CCDC171: variants seen among roughly 807,000 people sequenced by gnomAD.
The protein encoded by CCDC171 is coiled-coil domain-containing protein 171.
CCDC171 carries 177 observed loss-of-function variants against 168.2 expected under a neutral mutation model. The observed-to-expected ratio is 1.05, with a 90% confidence interval of 0.93 to 1.19. The LOEUF is 1.19. CCDC171 is among the 50% of genes most tolerant of loss of function. The pLI is 0.00. For synonymous variants in CCDC171, 687 were observed against 540.8 expected (o/e 1.27, Z -3.75); for missense variants, 1,991 against 1,539.0 (o/e 1.29, Z -4.91).
At chr9:15,640,588 ACT>A (rs1425227670) in intron 7 of CCDC171, among the ~76,000 whole-genome samples, 1 of 152,044 alleles carries the variant, frequency 6.6e-6, no homozygotes, top group East Asian at 1.9e-4. Context: ...ATGTAAATAC[ACT>A]CTGTCATGTA....
the CCDC171 span, among the ~76,000 whole-genome samples, chr9:16,085,937 C>G: frequency 2.0e-5 from 3 of 152,040 alleles, no homozygotes; most frequent in African/African-American, 7.2e-5. Flanking sequence ...TTTATTGTTA[C>G]GTCTCTGCCA....
chr9:15,902,729 C>A (rs1019806113), intron 24 of CCDC171, among the ~76,000 whole-genome samples: 2 of 152,168 alleles, frequency 1.3e-5, no homozygotes, highest in African/African-American at 4.8e-5. Context: ...TGAAGCAGGG[C>A]AAGGCATCAC....
At chr9:15,606,123 T>C (rs2043209723) in intron 6 of CCDC171, among the ~76,000 whole-genome samples, 1 of 152,218 alleles carries the variant, frequency 6.6e-6, no homozygotes, top group Non-Finnish European at 1.5e-5. Context: ...AATGTGAATG[T>C]GGTCTTTCTC....
intron 1 of CCDC171, among the ~76,000 whole-genome samples, chr9:15,555,291 T>G (rs998572335): frequency 6.6e-6 from 1 of 152,182 alleles, no homozygotes; most frequent in Non-Finnish European, 1.5e-5. Context: ...ATTAATCTAT[T>G]AATACATTAA....
intron 21 of CCDC171, among the ~76,000 whole-genome samples, 189 bp from the exon 22 acceptor site, chr9:15,846,513 T>G (rs943166777): frequency 6.6e-6 from 1 of 152,142 alleles, no homozygotes; most frequent in Non-Finnish European, 1.5e-5. Flanking sequence ...TTCCCAAACC[T>G]TATCAGTTCT....
intron 24 of CCDC171, among the ~76,000 whole-genome samples, chr9:15,878,983 A>G (rs188091001): frequency 6.6e-6 from 1 of 152,196 alleles, no homozygotes; most frequent in Non-Finnish European, 1.5e-5. Flanking sequence ...GGTGTGGGAG[A>G]AGGGAGAGGA....
At chr9:16,105,232 G>C in the CCDC171 span, among the ~76,000 whole-genome samples, 43 of 152,338 alleles carry the variant, frequency 2.8e-4, no homozygotes, top group East Asian at 8.1e-3. Context: ...AACAGGCCTT[G>C]TTAGAGGATA....
At chr9:15,945,004 T>A (rs1430620513) in intron 25 of CCDC171, among the ~76,000 whole-genome samples, 1 of 152,004 alleles carries the variant, frequency 6.6e-6, no homozygotes, top group Non-Finnish European at 1.5e-5. Flanking sequence ...TAGCATTAGG[T>A]ATATCTCCCA....
chr9:16,021,345 C>T (rs574844248), intron 4 of CCDC171, among the ~76,000 whole-genome samples: 1 of 152,346 alleles, frequency 6.6e-6, no homozygotes. Context: ...CTTGGCCTCC[C>T]AAAGTGCTGG....
At position 16,017,984 on chromosome 9, in the gene CCDC171, C is replaced by G. The variant is rs75650003; in HGVS notation, n.369-2605C>G. On this transcript the variant is annotated intron_variant and non_coding_transcript_variant, in intron 3 of 9. Coordinates refer to the CCDC171 transcript ENST00000486641. ...TTGCTGGTGGAAATGACAGAAGCAG[C>G]ACAAAACATGCCCTTATCTCATTTC... Among the ~76,000 whole-genome samples, 202 of 152,292 alleles carry G rather than the reference C, an allele frequency of 1.3e-3. 1 individual carries two copies. Among genetic ancestry groups the G allele is most frequent in the African/African-American group, 4.7e-3 (197 of 41,556 alleles).
chr9:15,704,534 A>G (rs2052056403), intron 11 of CCDC171, among the ~76,000 whole-genome samples: 1 of 152,188 alleles, frequency 6.6e-6, no homozygotes, highest in South Asian at 2.1e-4. Flanking sequence ...AAAGTAATCC[A>G]TGGTAGAAAT....
At chr9:16,078,190 G>A in the CCDC171 span, among the ~76,000 whole-genome samples, 16,267 of 151,708 alleles carry the variant, frequency 0.11, 2,800 homozygotes, top group African/African-American at 0.37. Flanking sequence ...CCTTGAATAC[G>A]TACACTTTTT....
intron 25 of CCDC171, among the ~76,000 whole-genome samples, chr9:15,925,439 C>A (rs1025407403): frequency 2.0e-5 from 3 of 151,370 alleles, no homozygotes; most frequent in Non-Finnish European, 3.0e-5. Flanking sequence ...CGAGAGAGGT[C>A]TAATATAAGA....
At chr9:16,044,678 G>T (rs1234944756) in intron 1 of CCDC171, among the ~76,000 whole-genome samples, 1 of 151,970 alleles carries the variant, frequency 6.6e-6, no homozygotes, top group Non-Finnish European at 1.5e-5. Flanking sequence ...CAGCCATTTT[G>T]TTCCCTCCCA....
intron 18 of CCDC171, among the ~76,000 whole-genome samples, chr9:15,760,701 G>A (rs886702758): frequency 6.6e-6 from 1 of 152,154 alleles, no homozygotes; most frequent in African/African-American, 2.4e-5. Flanking sequence ...GAAACAGGAG[G>A]TTCAATAACA....
chr9:15,734,620 T>C (rs1018906871), intron 16 of CCDC171, among the ~76,000 whole-genome samples: 15 of 152,302 alleles, frequency 9.8e-5, no homozygotes, highest in African/African-American at 2.6e-4. Flanking sequence ...TTTTATCAAA[T>C]ATAATTGAAT....
chr9:15,706,433 A>G (rs2052242441), intron 11 of CCDC171, among the ~76,000 whole-genome samples: 1 of 151,906 alleles, frequency 6.6e-6, no homozygotes, highest in Admixed American at 6.6e-5. Context: ...GGACTACAGC[A>G]CATGCCATCA....
At chr9:15,683,819 C>T (rs1417060854) in intron 10 of CCDC171, among the ~76,000 whole-genome samples, 3 of 151,838 alleles carry the variant, frequency 2.0e-5, no homozygotes, top group Non-Finnish European at 2.9e-5. Flanking sequence ...CAAGAGATTG[C>T]GAGAGAGATG....
At chr9:15,902,691 C>G (rs543043950) in intron 24 of CCDC171, among the ~76,000 whole-genome samples, 2 of 152,268 alleles carry the variant, frequency 1.3e-5, no homozygotes, top group African/African-American at 4.8e-5. Context: ...GGGTGCAGGA[C>G]AGTGGGTGCA....
Sources: gnomAD v4.1 joint callset for allele counts (sites outside exome capture counted in the v4.1 genomes callset) on GRCh38, gnomAD v4.1.1 for gene constraint, MANE v1.5 for transcripts, NCBI Gene and HGNC (gene_info 2026-07-23, HGNC 2026-07-21) for gene names.